CSAG1: variants seen among roughly 807,000 people sequenced by gnomAD.
CSAG1 encodes the protein chondrosarcoma associated gene 1.
CSAG1 carries 4 observed loss-of-function variants against 4.8 expected under a neutral mutation model. The observed-to-expected ratio is 0.83, with a 90% CI of 0.41 to 1.90. CSAG1 has a LOEUF of 1.90. Among genes scored for constraint, CSAG1 ranks in the 40% most tolerant of loss-of-function variants. The probability of loss-of-function intolerance (pLI) is 0.03; values close to 1 mark genes in which losing one functional copy is unlikely to be tolerated. For missense variants in CSAG1, 69 were observed against 59.5 expected, an observed-to-expected ratio of 1.16 and a Z score of -0.53; for synonymous variants, 21 against 23.1, an observed-to-expected ratio of 0.91 and a Z score of 0.26.
At chrX:152,732,366 A>C (rs1932176810) in intron 2 of CSAG1, 79 bp downstream of exon 2, 2 of 1,135,263 alleles carry the variant, frequency 1.8e-6, no homozygotes, top group Middle Eastern at 2.5e-4. Flanking sequence ...ATAGAGGAGT[A>C]TAACATATTC....
In CSAG1 at chrX:152,730,009, T is replaced by TATATATATATATATATATATATAC. The variant is rs1220407757; in HGVS notation, c.17-1786_17-1785insGTATATATATATATATATATATAT. On this transcript the variant is annotated intron_variant, in intron 2 of 3. Transcript: ENST00000452779. ...TGAATGGATTATATATATATATATATACACACATACACACACACACGCATT... is the reference window on the plus strand; with the variant it reads ...TGAATGGATTATATATATATATATATATATATATATATATATATATATACACACACATACACACACACACGCATT... Among the ~76,000 whole-genome samples the TATATATATATATATATATATATAC allele has an allele frequency of 5.0e-3, 272 of 54,912 alleles. 5 individuals are homozygous for TATATATATATATATATATATATAC. Among genetic ancestry groups the TATATATATATATATATATATATAC allele is most frequent in the African/African-American group, 0.014 (246 of 17,014 alleles). 47.7% of individuals were successfully genotyped at this position (54,912 alleles called of 115,157 possible).
chrX:152,732,275 T>C (rs1468136674), intron 2 of CSAG1, among the ~76,000 whole-genome samples, 170 bp downstream of exon 2: 6 of 112,219 alleles, frequency 5.3e-5, no homozygotes, highest in African/African-American at 1.6e-4. Context: ...TGAATAGAAG[T>C]CTAATAAAAA....
intron 2 of CSAG1, among the ~76,000 whole-genome samples, chrX:152,729,462 T>G (rs1361807236): frequency 8.9e-6 from 1 of 112,356 alleles, no homozygotes; most frequent in African/African-American, 3.2e-5. Flanking sequence ...ACATCTGCGG[T>G]ACACATATGT....
intron 2 of CSAG1, among the ~76,000 whole-genome samples, chrX:152,729,959 A>G (rs1298725043): frequency 9.9e-5 from 9 of 91,000 alleles, no homozygotes; most frequent in African/African-American, 3.6e-4. Flanking sequence ...CAAAAATAGC[A>G]GCATCCAAAA....
At chrX:152,730,728 C>T (rs1932139096) in intron 2 of CSAG1, among the ~76,000 whole-genome samples, 1 of 112,176 alleles carries the variant, frequency 8.9e-6, no homozygotes, top group African/African-American at 3.2e-5. Context: ...TTGTCAAAAC[C>T]CATAGATCTT....
chrX:152,731,506 A>C (rs146989963), intron 2 of CSAG1, among the ~76,000 whole-genome samples: 2 of 111,509 alleles, frequency 1.8e-5, no homozygotes, highest in Non-Finnish European at 1.9e-5. Context: ...TCTTATATCA[A>C]CTCTTCCAAA....
chrX:152,729,447 A>C (rs1324206261), intron 2 of CSAG1, among the ~76,000 whole-genome samples: 4 of 112,524 alleles, frequency 3.6e-5, no homozygotes, highest in African/African-American at 1.3e-4. Context: ...ACAGACTAGC[A>C]GAAAACATCT....
chrX:152,729,836 CTT>C (rs1379469963), intron 2 of CSAG1, among the ~76,000 whole-genome samples: 2 of 109,989 alleles, frequency 1.8e-5, no homozygotes, highest in African/African-American at 3.3e-5. Flanking sequence ...GGAACATAGA[CTT>C]AGCGTAAGAT....
At chrX:152,730,472 T>A (rs1375623207) in intron 2 of CSAG1, among the ~76,000 whole-genome samples, 2 of 111,527 alleles carry the variant, frequency 1.8e-5, no homozygotes, top group Non-Finnish European at 3.8e-5. Context: ...ATGGGATCAG[T>A]GTTTTTATAA....
At chrX:152,728,646 C>T (rs1190013657) in intron 2 of CSAG1, among the ~76,000 whole-genome samples, 13 of 112,173 alleles carry the variant, frequency 1.2e-4, no homozygotes, top group African/African-American at 4.2e-4. Context: ...GACTGAGTAG[C>T]TGGAACAACA....
chrX:152,729,842 G>C (rs147761919), intron 2 of CSAG1, among the ~76,000 whole-genome samples: 2 of 109,819 alleles, frequency 1.8e-5, no homozygotes, highest in Admixed American at 9.6e-5. Flanking sequence ...TAGACTTAGC[G>C]TAAGATTCAG....
At chrX:152,732,573 C>T in intron 1 of CSAG1, 69 bp from the exon 2 acceptor site, 1 of 1,142,072 alleles carries the variant, frequency 8.8e-7, no homozygotes, top group Non-Finnish European at 1.2e-6. Context: ...CACAACAAAA[C>T]AGGGCCAGTC....
At chrX:152,732,679 T>C (rs1556227813) in intron 1 of CSAG1, among the ~76,000 whole-genome samples, 175 bp from the exon 2 acceptor site, 1 of 112,735 alleles carries the variant, frequency 8.9e-6, no homozygotes, top group Admixed American at 9.3e-5. Flanking sequence ...TGGGGAGGTT[T>C]GTAGCCTGCC....
chrX:152,732,256 A>G (rs1556228017), intron 2 of CSAG1, among the ~76,000 whole-genome samples, 189 bp downstream of exon 2: 1 of 112,626 alleles, frequency 8.9e-6, no homozygotes, highest in African/African-American at 3.2e-5. Context: ...ATAAAATCCA[A>G]GAATTACCTG....
intron 2 of CSAG1, among the ~76,000 whole-genome samples, chrX:152,731,209 G>A (rs1275718807): frequency 3.6e-5 from 4 of 111,338 alleles, no homozygotes; most frequent in African/African-American, 1.3e-4. Context: ...AGTATCCTGG[G>A]TTCATAATAT....
rs1932042247 is a variant in CSAG1, at chrX:152,727,652, A to G, written c.*142T>C. 5.6e-5 allele frequency: 41 copies of G among 737,207 alleles called. No homozygotes were observed. Among genetic ancestry groups the G allele is most frequent in the African/African-American group, 3.1e-4 (15 of 47,959 alleles). The allele number at this position is 737,207 out of a possible 1,213,427, so 60.8% of individuals were successfully genotyped here. A position where few individuals can be genotyped will look rare whatever the true frequency, so the allele number is the denominator to read the frequency against. On this transcript the variant is annotated 3_prime_UTR_variant, in exon 4 of 4. Transcript: ENST00000452779. ...CCTGGGAATTACTGGCTGCCCAAGGAAGCACTGGAGAAGGCGGTGGTCTCC... is the reference window on the plus strand; with the variant it reads ...CCTGGGAATTACTGGCTGCCCAAGGGAGCACTGGAGAAGGCGGTGGTCTCC...
rs182694662 is a variant in CSAG1 at position 152,728,119 on chromosome X, C to A, written c.122G>T (p.Arg41Leu). The change falls in exon 3 of 4, where the codon CGA (arginine) becomes CTA (leucine). Residue 41 changes from arginine (R) to leucine (L), a missense_variant. Arg to Leu is a moderately radical substitution (Grantham distance 102, BLOSUM62 -2). Coordinates refer to ENST00000452779, the MANE Select transcript of CSAG1 (RefSeq NM_001102576.3). ...GTTGTTGGAAAATGGGCTGGAGGCT[C>A]GTGGTTTCCTGGACATCTTCACCAG... ...TGLVKMSRKPRASSPFSNNHP... is the reference protein window; with the variant it reads ...TGLVKMSRKPLASSPFSNNHP... 5.8e-6 allele frequency: 7 copies of A among 1,210,901 alleles called. No homozygotes were observed. The South Asian group carries it at 1.2e-4, about 21-fold the overall frequency.
At chrX:152,728,668 T>G (rs1439322112) in intron 2 of CSAG1, among the ~76,000 whole-genome samples, 2 of 112,238 alleles carry the variant, frequency 1.8e-5, no homozygotes, top group Admixed American at 9.4e-5. Context: ...AAATTTATCT[T>G]TTTTCACAGT....
At chrX:152,731,462 A>G (rs1216626433) in intron 2 of CSAG1, among the ~76,000 whole-genome samples, 2 of 112,175 alleles carry the variant, frequency 1.8e-5, no homozygotes, top group Admixed American at 9.5e-5. Flanking sequence ...TTGGAGGCCA[A>G]TTCTACCAAA....
Sources: gnomAD v4.1 joint callset for allele counts (sites outside exome capture counted in the v4.1 genomes callset) on GRCh38, gnomAD v4.1.1 for gene constraint, MANE v1.5 for transcripts, NCBI Gene and HGNC (gene_info 2026-07-23, HGNC 2026-07-21) for gene names.